RTL4: variants seen among roughly 807,000 people sequenced by gnomAD.
RTL4 encodes retrotransposon Gag like 4, also known as retrotransposon Gag-like protein 4.
A neutral mutation model predicts 5.3 loss-of-function variants in RTL4; 4 were observed. That is an observed-to-expected ratio of 0.75 (90% CI 0.37 to 1.72). The LOEUF is 1.72. Ranked by LOEUF, RTL4 falls within the 40% of genes most tolerant of loss-of-function variation. The pLI is 0.04. For synonymous variants in RTL4, 98 were observed against 87.3 expected, an observed-to-expected ratio of 1.12 and a Z score of -0.68; for missense variants, 260 against 227.1, an observed-to-expected ratio of 1.14 and a Z score of -0.93.
chrX:112,235,086 C>A, the RTL4 span, among the ~76,000 whole-genome samples: 11 of 111,326 alleles, frequency 9.9e-5, no homozygotes, highest in African/African-American at 3.6e-4. Flanking sequence ...TTTCTGGCAG[C>A]AAAACAGAAA....
At chrX:112,160,441 G>A in the RTL4 span, among the ~76,000 whole-genome samples, 23 of 111,937 alleles carry the variant, frequency 2.1e-4, 2 homozygotes, top group South Asian at 6.4e-3. Context: ...CTTCTTATGC[G>A]TCAAGCAATG....
At chrX:112,138,944 T>C in the RTL4 span, among the ~76,000 whole-genome samples, 1 of 111,715 alleles carries the variant, frequency 9.0e-6, no homozygotes, top group Admixed American at 9.6e-5. Flanking sequence ...TTTTAAATAA[T>C]GTCTGTTTAT....
the RTL4 span, among the ~76,000 whole-genome samples, chrX:112,437,182 G>T: frequency 9.0e-6 from 1 of 111,534 alleles, no homozygotes; most frequent in East Asian, 2.8e-4. Flanking sequence ...GATGAAGAGG[G>T]AATAAGTTAG....
the RTL4 span, among the ~76,000 whole-genome samples, chrX:112,144,235 C>T: frequency 9.0e-6 from 1 of 111,440 alleles, no homozygotes; most frequent in East Asian, 2.8e-4. Flanking sequence ...AGTCAAATTG[C>T]CTCTAGTCGC....
chrX:112,298,019 G>A, the RTL4 span, among the ~76,000 whole-genome samples: 1,518 of 111,463 alleles, frequency 0.014, 33 homozygotes, highest in African/African-American at 0.045. Flanking sequence ...TTATTGGTTG[G>A]TTGATTGGCT....
the RTL4 span, among the ~76,000 whole-genome samples, chrX:112,260,303 T>C: frequency 0.29 from 31,653 of 110,474 alleles, 4,705 homozygotes; most frequent in African/African-American, 0.59. Context: ...TTTTAGGGTT[T>C]TGAGCATGCC....
the RTL4 span, among the ~76,000 whole-genome samples, chrX:112,331,618 G>C: frequency 2.4e-3 from 254 of 107,567 alleles, 1 homozygote; most frequent in African/African-American, 8.3e-3. Context: ...CAGGGATCTA[G>C]AACTAGAAAT....
chrX:112,358,275 ATTT>A, the RTL4 span, among the ~76,000 whole-genome samples: 3 of 93,008 alleles, frequency 3.2e-5, no homozygotes, highest in Non-Finnish European at 4.3e-5. Flanking sequence ...TAACTTATGC[ATTT>A]TTTTTTTTTT....
At chrX:112,083,972 G>A in the RTL4 span, among the ~76,000 whole-genome samples, 1 of 111,246 alleles carries the variant, frequency 9.0e-6, no homozygotes, top group Non-Finnish European at 1.9e-5. Context: ...GGGCATGTGA[G>A]TCTCTGCCTT....
the RTL4 span, among the ~76,000 whole-genome samples, chrX:112,301,216 G>T: frequency 8.9e-6 from 1 of 111,772 alleles, no homozygotes; most frequent in Admixed American, 9.5e-5. Flanking sequence ...TGACTGAGAG[G>T]ATGTGCCCTG....
At chrX:112,310,659 AG>A in the RTL4 span, among the ~76,000 whole-genome samples, 14 of 62,843 alleles carry the variant, frequency 2.2e-4, no homozygotes, top group African/African-American at 9.8e-4. Flanking sequence ...TATATATATT[AG>A]TATATTTATG....
At chrX:112,090,128 T>C in the RTL4 span, among the ~76,000 whole-genome samples, 2 of 110,823 alleles carry the variant, frequency 1.8e-5, no homozygotes, top group Non-Finnish European at 3.8e-5. Context: ...AGTTGTTTTA[T>C]GGATTCTTTA....
At chrX:112,365,608 G>C in the RTL4 span, among the ~76,000 whole-genome samples, 2 of 111,442 alleles carry the variant, frequency 1.8e-5, no homozygotes, top group South Asian at 7.5e-4. Context: ...GCTAGAAAGA[G>C]TTACCCAGAG....
At chrX:112,228,659 G>T in the RTL4 span, among the ~76,000 whole-genome samples, 1 of 111,741 alleles carries the variant, frequency 8.9e-6, no homozygotes, top group African/African-American at 3.3e-5. Flanking sequence ...AACTGCAAGT[G>T]TGTATGCTTT....
the RTL4 span, among the ~76,000 whole-genome samples, chrX:112,434,400 A>T: frequency 9.0e-6 from 1 of 111,400 alleles, no homozygotes; most frequent in African/African-American, 3.3e-5. Context: ...GATTATTGCC[A>T]CAATTTCAGA....
chrX:112,438,285 G>T, the RTL4 span, among the ~76,000 whole-genome samples: 2 of 111,498 alleles, frequency 1.8e-5, no homozygotes, highest in East Asian at 5.7e-4. Flanking sequence ...GCTGGCTATT[G>T]TCAGGAGGCC....
chrX:112,328,138 T>C, the RTL4 span, among the ~76,000 whole-genome samples: 1 of 108,444 alleles, frequency 9.2e-6, no homozygotes, highest in Admixed American at 1.0e-4. Context: ...AATGACAGGA[T>C]CAAATTCACA....
chrX:112,156,461 C>A, the RTL4 span, among the ~76,000 whole-genome samples: 1 of 112,048 alleles, frequency 8.9e-6, no homozygotes, highest in African/African-American at 3.2e-5. Context: ...AGATACATAT[C>A]TCAATGGTGG....
At chrX:112,197,421 A>C in the RTL4 span, among the ~76,000 whole-genome samples, 1 of 106,367 alleles carries the variant, frequency 9.4e-6, no homozygotes, top group Non-Finnish European at 1.9e-5. Flanking sequence ...AGCATGGCGG[A>C]TGGACCACCT....
Sources: allele counts gnomAD v4.1 joint callset (sites outside exome capture counted in the v4.1 genomes callset), GRCh38; gene constraint gnomAD v4.1.1; transcripts MANE v1.5; gene names NCBI Gene and HGNC (gene_info 2026-07-23, HGNC 2026-07-21).